Variants in SRP19 observed in about 807,000 individuals in gnomAD.
SRP19 encodes the protein signal recognition particle 19.
A neutral mutation model predicts 22.4 loss-of-function variants in SRP19; 11 were observed. That is an observed-to-expected ratio of 0.49 (90% confidence interval 0.31 to 0.81). SRP19 has a LOEUF of 0.81. Among genes scored for constraint, SRP19 ranks in the 40% least tolerant of loss-of-function variants. The probability of loss-of-function intolerance (pLI) is 0.05; values close to 1 mark genes in which losing one functional copy is unlikely to be tolerated. For missense variants in SRP19, 168 were observed against 175.9 expected, an observed-to-expected ratio of 0.96 and a Z score of 0.25; for synonymous variants, 61 against 57.6, an observed-to-expected ratio of 1.06 and a Z score of -0.27.
intron 4 of SRP19, among the ~76,000 whole-genome samples, chr5:112,889,204 C>G (rs1312217764): frequency 1.3e-5 from 2 of 150,202 alleles, no homozygotes; most frequent in Admixed American, 1.3e-4. Flanking sequence ...AATGCAGAGA[C>G]CATCCTGGGC....
downstream of SRP19, chr5:112,895,998 T>C (rs1313219016): frequency 6.6e-6 from 1 of 152,432 alleles, no homozygotes; most frequent in African/African-American, 2.4e-5. Context: ...ATTCCGTCTG[T>C]GCTTCTAATG....
In SRP19 at chr5:112,862,434, TTCCCTGC is replaced by T. The variant is rs560592915; in HGVS notation, c.42-73_42-67del. ...CTAGGCAGCATGAATTGGCCTTTGGTTCCCTGCCACCCGACCCTTTTCTCCTGCCTCT... is the reference window on the plus strand; with the variant it reads ...CTAGGCAGCATGAATTGGCCTTTGGTCACCCGACCCTTTTCTCCTGCCTCT... On this transcript the variant is annotated intron_variant, in intron 1 of 4. Coordinates refer to ENST00000505459, the MANE Select transcript of SRP19 (RefSeq NM_003135.3). 245 of 1,340,166 alleles carry T rather than the reference TTCCCTGC, an allele frequency of 1.8e-4. 1 individual carries two copies. In the African/African-American group the frequency reaches 2.9e-3, roughly 16 times the overall value. The allele number at this position is 1,340,166 out of a possible 1,614,324, so 83.0% of individuals were successfully genotyped here. A position where few individuals can be genotyped will look rare whatever the true frequency, so the allele number is the denominator to read the frequency against.
rs1177425647 is a variant in SRP19, at chr5:112,868,870, G to A, written c.*1333G>A. On this transcript the variant is annotated 3_prime_UTR_variant, in exon 5 of 5. Transcript: ENST00000505459. Reference sequence around the variant, plus strand: ...AACCTCCCAAAGTGCTGGGATTACAGGCATGAGCTAGCTGGCCTGTTGACT... The same window carrying A: ...AACCTCCCAAAGTGCTGGGATTACAAGCATGAGCTAGCTGGCCTGTTGACT... 1 of 152,170 alleles carries A rather than the reference G, an allele frequency of 6.6e-6. No homozygotes were observed. Among genetic ancestry groups the A allele is most frequent in the Non-Finnish European group, 1.5e-5 (1 of 68,052 alleles). 9.4% of individuals were successfully genotyped at this position (152,170 alleles called of 1,614,324 possible).
chr5:112,862,748 C>T (rs76897168), intron 2 of SRP19, among the ~76,000 whole-genome samples, 165 bp downstream of exon 2: 1,827 of 152,226 alleles, frequency 0.012, 21 homozygotes, highest in African/African-American at 0.028. Flanking sequence ...TTGGTGAAAC[C>T]AGAAAGGCAT....
downstream of SRP19, among the ~76,000 whole-genome samples, chr5:112,874,435 T>C (rs1767850043): frequency 6.6e-6 from 1 of 152,130 alleles, no homozygotes; most frequent in African/African-American, 2.4e-5. Context: ...ACCTACAGAG[T>C]TGTTAAAGCA....
downstream of SRP19, among the ~76,000 whole-genome samples, chr5:112,872,875 T>C (rs1423757907): frequency 6.6e-6 from 1 of 152,190 alleles, no homozygotes; most frequent in African/African-American, 2.4e-5. Context: ...TTCTTAGACC[T>C]TGCATATTTG....
At chr5:112,882,897 A>T (rs78758445) in intron 4 of SRP19, among the ~76,000 whole-genome samples, 5,311 of 152,228 alleles carry the variant, frequency 0.035, 227 homozygotes, top group East Asian at 0.16. Context: ...TTAGAAAGTC[A>T]CTTCTGTAGG....
At chr5:112,891,873 G>C in exon 5 of SRP19, 1 of 1,451,722 alleles carries the variant, frequency 6.9e-7, no homozygotes, top group Non-Finnish European at 9.7e-7. Context: ...GATTACATGA[G>C]GAGTGGTTGC....
chr5:112,862,039 C>G (rs1270587924), intron 1 of SRP19, among the ~76,000 whole-genome samples: 1 of 152,138 alleles, frequency 6.6e-6, no homozygotes, highest in African/African-American at 2.4e-5. Flanking sequence ...TTTGAAAATA[C>G]TTGTTATCTG....
exon 5 of SRP19, chr5:112,892,583 C>G (rs1449511466): frequency 6.2e-7 from 1 of 1,613,940 alleles, no homozygotes; most frequent in African/African-American, 1.3e-5. Flanking sequence ...TGGAAAATGG[C>G]GATTTGTGGT....
At position 112,867,910 on chromosome 5, in the gene SRP19, T is replaced by G. The variant is rs1767660974; in HGVS notation, c.*373T>G. The G allele has an allele frequency of 1.0e-6, 1 of 989,626 alleles. No individual in the cohort carries two copies. The highest frequency in any genetic ancestry group is 4.6e-5 in the South Asian group (1 of 21,560). The allele number at this position is 989,626 out of a possible 1,614,324, so 61.3% of individuals were successfully genotyped here. ...AATGAAATAAAATTTGAAACTGACT[T>G]TTGCAGCTTTTGCTTATATACTAAT... is the stretch of plus-strand genomic sequence containing the variant. On this transcript the variant is annotated 3_prime_UTR_variant, in exon 5 of 5. Coordinates refer to ENST00000505459, the MANE Select transcript of SRP19 (RefSeq NM_003135.3).
At chr5:112,895,957 C>A (rs1283608875), downstream of SRP19, 1 of 152,206 alleles carries the variant, frequency 6.6e-6, no homozygotes, top group Non-Finnish European at 1.5e-5. Context: ...CACAATGACT[C>A]CTTAAATTAC....
At chr5:112,876,784 AGACTGCC>A (rs1767907484) in intron 4 of SRP19, 1 of 152,206 alleles carries the variant, frequency 6.6e-6, no homozygotes, top group African/African-American at 2.4e-5. Context: ...ATTTACACTT[AGACTGCC>A]AGCAACAGTT....
intron 4 of SRP19, chr5:112,878,727 T>G: frequency 6.2e-7 from 1 of 1,601,816 alleles, no homozygotes; most frequent in African/African-American, 1.3e-5. Flanking sequence ...GTCCCTAATA[T>G]AACATCAAGC....
chr5:112,884,954 C>T (rs1252389861), intron 4 of SRP19: 1 of 152,166 alleles, frequency 6.6e-6, no homozygotes, highest in South Asian at 2.1e-4. Flanking sequence ...ATGCTTGGCA[C>T]ATATTAAACA....
At chr5:112,885,720 A>T (rs1295897091) in intron 4 of SRP19, 1 of 302,586 alleles carries the variant, frequency 3.3e-6, no homozygotes, top group Non-Finnish European at 6.8e-6. Flanking sequence ...GGACATTATC[A>T]GCCAAGCTTG....
chr5:112,881,674 C>T (rs984915864), intron 4 of SRP19, among the ~76,000 whole-genome samples: 6 of 152,180 alleles, frequency 3.9e-5, no homozygotes, highest in Non-Finnish European at 7.3e-5. Flanking sequence ...GAGTAGCCTT[C>T]CCTTTCCCTG....
Position 112,864,689 on chromosome 5 carries a change from C to G in SRP19, c.258C>G (p.Leu86=). ...ACAGAGGCAGAGTCCGGGTCCAGCTCAAACAGGAAGATGGGAGCCTCTGCC... is the reference window on the plus strand; with the variant it reads ...ACAGAGGCAGAGTCCGGGTCCAGCTGAAACAGGAAGATGGGAGCCTCTGCC... ...VQYRGRVRVQ[L]KQEDGSLCLV... is the part of the protein sequence containing the mutation. The change falls in exon 4 of 5, where the codon CTC becomes CTG. Residue 86 remains leucine (L), a synonymous_variant. Transcript: ENST00000505459. 1 of 1,614,094 alleles carries G rather than the reference C, an allele frequency of 6.2e-7. No individual in the cohort carries two copies. Among genetic ancestry groups the G allele is most frequent in the Non-Finnish European group, 8.5e-7 (1 of 1,180,014 alleles).
At chr5:112,871,537 A>T (rs911012490), downstream of SRP19, among the ~76,000 whole-genome samples, 2 of 151,990 alleles carry the variant, frequency 1.3e-5, no homozygotes, top group Non-Finnish European at 2.9e-5. Flanking sequence ...CGGGCAGATG[A>T]CTTGCAGTCA....
Sources: allele counts gnomAD v4.1 joint callset (sites outside exome capture counted in the v4.1 genomes callset), GRCh38; gene constraint gnomAD v4.1.1; transcripts MANE v1.5; gene names NCBI Gene and HGNC (gene_info 2026-07-23, HGNC 2026-07-21).